PRSS23: variants seen among roughly 807,000 people sequenced by gnomAD.
PRSS23 encodes protease, serine 23.
In PRSS23, 25 loss-of-function variants were observed where a neutral mutation model predicts 34.7. The ratio of observed to expected loss-of-function variants is 0.72; its 90% CI spans 0.53 to 1.01. The LOEUF is 1.01. PRSS23 is among the 50% of genes least tolerant of loss of function. The pLI, the probability that PRSS23 is intolerant of heterozygous loss-of-function variation, is 0.00. For synonymous variants in PRSS23, 176 were observed against 186.6 expected (o/e 0.94, Z 0.46); for missense variants, 445 against 475.6 (o/e 0.94, Z 0.60).
At chr11:86,887,677 G>A (rs757927482) in intron 2 of PRSS23, among the ~76,000 whole-genome samples, 2 of 152,080 alleles carry the variant, frequency 1.3e-5, no homozygotes, top group Admixed American at 1.3e-4. Flanking sequence ...TTCTGTCTTC[G>A]AGGAGCTCAT....
intron 2 of PRSS23, among the ~76,000 whole-genome samples, chr11:86,843,774 TG>T (rs1948466010): frequency 6.6e-6 from 1 of 152,164 alleles, no homozygotes; most frequent in Non-Finnish European, 1.5e-5. Flanking sequence ...CAACAGATGC[TG>T]GAGAGAAGTG....
At chr11:86,952,452 A>C in exon 3 of PRSS23, 1 of 1,613,838 alleles carries the variant, frequency 6.2e-7, no homozygotes, top group Non-Finnish European at 8.5e-7. Context: ...ATTGGCACAT[A>C]AACAGAACAA....
chr11:86,916,753 A>G (rs1422283887), intron 2 of PRSS23, among the ~76,000 whole-genome samples: 2 of 152,034 alleles, frequency 1.3e-5, no homozygotes, highest in African/African-American at 4.8e-5. Context: ...CCAGTCCACC[A>G]AGAGGCCAGC....
intron 2 of PRSS23, among the ~76,000 whole-genome samples, chr11:86,887,764 A>C (rs1590913937): frequency 6.6e-6 from 1 of 152,116 alleles, no homozygotes; most frequent in Non-Finnish European, 1.5e-5. Context: ...AATATTACAC[A>C]ATGTTGGCTG....
At chr11:86,872,675 C>A (rs951849623) in intron 2 of PRSS23, among the ~76,000 whole-genome samples, 4 of 152,014 alleles carry the variant, frequency 2.6e-5, no homozygotes, top group Non-Finnish European at 5.9e-5. Context: ...ATGCATATAC[C>A]ACACCAAAGC....
Position 86,904,118 on chromosome 11 carries a change from C to T in PRSS23, c.207-47098C>T, listed in dbSNP as rs192690490. ...TGAACATGCACACTCACTCTACAAA[C>T]AGTCACCTGGAGTACAAATAAAGCT... On this transcript the variant is annotated intron_variant, in intron 2 of 2. Coordinates refer to the PRSS23 transcript ENST00000533902. Among the ~76,000 whole-genome samples, 5 of 152,316 alleles carry T rather than the reference C, an allele frequency of 3.3e-5. No individual in the cohort carries two copies. In the East Asian group the frequency reaches 7.7e-4, roughly 24 times the overall value.
intron 2 of PRSS23, among the ~76,000 whole-genome samples, chr11:86,901,354 T>A (rs1428510194): frequency 6.6e-6 from 1 of 152,132 alleles, no homozygotes; most frequent in Non-Finnish European, 1.5e-5. Context: ...AGAGAATAAA[T>A]GAATGGCTGG....
chr11:86,936,925 C>T (rs1282955517), intron 2 of PRSS23: 2 of 151,802 alleles, frequency 1.3e-5, no homozygotes, highest in African/African-American at 2.4e-5. Flanking sequence ...TACACCCTTA[C>T]TCTTACATTT....
intron 2 of PRSS23, chr11:86,945,595 A>ATTC (rs1175742511): frequency 6.6e-6 from 1 of 152,344 alleles, no homozygotes; most frequent in African/African-American, 2.4e-5. Context: ...CTACAAACTG[A>ATTC]ATCCTCTATT....
intron 2 of PRSS23, chr11:86,934,629 T>C (rs1261532921): frequency 2.0e-5 from 3 of 152,252 alleles, no homozygotes; most frequent in Non-Finnish European, 4.4e-5. Context: ...TTTGCCAGGC[T>C]AATGAAAGAA....
chr11:86,795,389 C>T (rs1450434067), intron 1 of PRSS23, among the ~76,000 whole-genome samples: 1 of 152,200 alleles, frequency 6.6e-6, no homozygotes, highest in Non-Finnish European at 1.5e-5. Context: ...CAGAAGGTCA[C>T]GTAACTTGCC....
intron 2 of PRSS23, among the ~76,000 whole-genome samples, chr11:86,831,638 T>G (rs1948356612): frequency 2.0e-5 from 3 of 151,730 alleles, no homozygotes. Flanking sequence ...GTACGCCCTG[T>G]GATATCATTC....
chr11:86,919,351 C>T (rs555320364), intron 2 of PRSS23, among the ~76,000 whole-genome samples: 11 of 152,372 alleles, frequency 7.2e-5, no homozygotes, highest in African/African-American at 2.4e-4. Context: ...CTGCCACAGA[C>T]GGAGGCCCTG....
chr11:86,808,289 C>G lies in PRSS23; in HGVS notation c.646C>G (p.Gln216Glu), dbSNP rs759155752. Reference sequence around the variant, plus strand: ...CGACTCCACTTCAGCCATGCCCGAGCAGATGAAATTTCAGTGGATCCGGGT... The same window carrying G: ...CGACTCCACTTCAGCCATGCCCGAGGAGATGAAATTTCAGTGGATCCGGGT... ...ANDSTSAMPE[Q>E]MKFQWIRVKR... Residue 216 changes from glutamine to glutamate, a missense_variant, in exon 2 of 2, where the codon CAG (glutamine) becomes GAG (glutamate). By Grantham distance (29) the Gln-to-Glu change is conservative. Coordinates refer to ENST00000280258, the MANE Select transcript of PRSS23 (RefSeq NM_007173.6). 67 of 1,613,990 alleles carry G rather than the reference C, an allele frequency of 4.2e-5. No homozygotes were observed. Among genetic ancestry groups the G allele is most frequent in the Non-Finnish European group, 5.5e-5 (65 of 1,180,054 alleles).
chr11:86,831,683 AG>A (rs140771150), intron 2 of PRSS23, among the ~76,000 whole-genome samples: 2,320 of 151,948 alleles, frequency 0.015, 64 homozygotes, highest in African/African-American at 0.053. Flanking sequence ...CTAATGTCAC[AG>A]GGGGTGTACA....
intron 2 of PRSS23, among the ~76,000 whole-genome samples, chr11:86,886,317 A>G (rs1948801896): frequency 6.6e-6 from 1 of 152,206 alleles, no homozygotes; most frequent in Admixed American, 6.5e-5. Context: ...CACTCCCTTC[A>G]GGGAAAGGAC....
chr11:86,949,009 G>A (rs1051830431), intron 2 of PRSS23: 2 of 152,590 alleles, frequency 1.3e-5, no homozygotes, highest in African/African-American at 4.8e-5. Context: ...AAGCAGCACA[G>A]GGAGTTCACA....
At chr11:86,899,619 A>G (rs1948898215) in intron 2 of PRSS23, among the ~76,000 whole-genome samples, 1 of 149,722 alleles carries the variant, frequency 6.7e-6, no homozygotes, top group Non-Finnish European at 1.5e-5. Flanking sequence ...GGTTCACACC[A>G]TTCTCTTGCC....
In PRSS23 at chr11:86,875,899, T is replaced by A. The variant is rs148275525; in HGVS notation, c.206+52306T>A. ...CTTTTGACAATCTGGATATCAGTAA[T>A]AGTTGATTGAAAAGTACTTCTTCAT... On this transcript the variant is annotated intron_variant, in intron 2 of 2. Coordinates refer to the PRSS23 transcript ENST00000533902. 3.2e-4 allele frequency among the ~76,000 whole-genome samples: 49 copies of A among 152,356 alleles called. 1 individual carries two copies. The East Asian group carries it at 9.1e-3, about 28-fold the overall frequency.
Sources: allele counts gnomAD v4.1 joint callset (sites outside exome capture counted in the v4.1 genomes callset), GRCh38; gene constraint gnomAD v4.1.1; transcripts MANE v1.5; gene names NCBI Gene and HGNC (gene_info 2026-07-23, HGNC 2026-07-21).